The following MTFR1 variants were observed in gnomAD, a reference collection of about 807,000 sequenced individuals.
The protein encoded by MTFR1 is mitochondrial fission regulator 1, also known as chondrocyte protein with a poly-proline region.
A neutral mutation model predicts 38.8 loss-of-function variants in MTFR1; 28 were observed. The ratio of observed to expected loss-of-function variants is 0.72; its 90% confidence interval spans 0.53 to 0.99. The LOEUF (loss-of-function observed/expected upper bound fraction) is 0.99, where lower values mean the gene tolerates loss of function less well. Among genes scored for constraint, MTFR1 ranks in the 50% least tolerant of loss-of-function variants. The pLI, the probability that MTFR1 is intolerant of heterozygous loss-of-function variation, is 0.00. For missense variants in MTFR1, 358 were observed against 395.5 expected (o/e 0.91, Z 0.81); for synonymous variants, 145 against 137.0 (o/e 1.06, Z -0.41).
chr8:65,666,969 CAT>C (rs1298830679), intron 1 of MTFR1, among the ~76,000 whole-genome samples: 2 of 152,142 alleles, frequency 1.3e-5, no homozygotes, highest in African/African-American at 4.8e-5. Context: ...AAGTGAAAAA[CAT>C]ATTAGAAAAT....
intron 3 of MTFR1, among the ~76,000 whole-genome samples, chr8:65,741,518 C>T (rs1348328670): frequency 6.6e-6 from 1 of 152,194 alleles, no homozygotes; most frequent in Non-Finnish European, 1.5e-5. Flanking sequence ...AAAGATGTGG[C>T]AGGCCAAAAG....
chr8:65,708,948 T>G (rs756023531), intron 7 of MTFR1, 28 bp from the exon 8 acceptor site: 1 of 1,609,190 alleles, frequency 6.2e-7, no homozygotes, highest in South Asian at 1.1e-5. Context: ...AACCAATATC[T>G]TTATTTATAC....
chr8:65,754,879 C>T (rs1483572586), intron 3 of MTFR1, among the ~76,000 whole-genome samples: 2 of 148,746 alleles, frequency 1.3e-5, no homozygotes, highest in African/African-American at 4.9e-5. Flanking sequence ...GCAGGAGAAT[C>T]GCCTGAACCC....
At position 65,707,158 on chromosome 8, in the gene MTFR1, A is replaced by G. The variant is rs1476773722; in HGVS notation, c.666A>G (p.Gly222=). ...GAAGAGAGAAAAGAGCCAATGCTGGAAAGACTTTGGTTAAGAACAATCCAA... is the reference window on the plus strand; with the variant it reads ...GAAGAGAGAAAAGAGCCAATGCTGGGAAGACTTTGGTTAAGAACAATCCAA... ...KERREKRANA[G]KTLVKNNPKK... is the part of the protein sequence containing the mutation. Residue 222 remains glycine, a synonymous_variant, in exon 6 of 8, where the codon GGA becomes GGG. Transcript: ENST00000262146. 7 of 1,612,816 alleles carry G rather than the reference A, an allele frequency of 4.3e-6. No individual in the cohort carries two copies. Among genetic ancestry groups the G allele is most frequent in the Non-Finnish European group, 5.9e-6 (7 of 1,179,240 alleles).
rs188668298 is a variant in MTFR1, at chr8:65,675,987, G to T, written c.66+5969G>T. ...TTATATTGGAAGAAAAGTTACTATA[G>T]CAAGTATCTATAATAATTTGTATTA... is the stretch of plus-strand genomic sequence containing the variant. On this transcript the variant is annotated intron_variant, in intron 2 of 7. Transcript: ENST00000262146. 1.1e-4 allele frequency among the ~76,000 whole-genome samples: 16 copies of T among 152,298 alleles called. No homozygotes were observed. In the East Asian group the frequency reaches 3.1e-3, roughly 29 times the overall value.
chr8:65,757,601 T>TTTTTGTTTTG (rs368448878), intron 3 of MTFR1, among the ~76,000 whole-genome samples: 1 of 148,674 alleles, frequency 6.7e-6, no homozygotes, highest in Admixed American at 6.9e-5. Context: ...CAAGACTTTG[T>TTTTTGTTTTG]TTTTGTTTTG....
In MTFR1 at chr8:65,707,140, G is replaced by A; in HGVS notation, c.648G>A (p.Glu216=). 1 of 1,613,948 alleles carries A rather than the reference G, an allele frequency of 6.2e-7. No homozygotes were observed. The change falls in exon 6 of 8, where the codon GAG becomes GAA. Residue 216 remains glutamate (E), a synonymous_variant. Transcript: ENST00000262146. ...TTGATCTGATTAAAGAACGAAGAGA[G>A]AAAAGAGCCAATGCTGGAAAGACTT... ...SAVDLIKERR[E]KRANAGKTLV...
chr8:65,743,218 G>A (rs966624810), intron 3 of MTFR1, among the ~76,000 whole-genome samples: 4 of 152,170 alleles, frequency 2.6e-5, no homozygotes, highest in African/African-American at 9.7e-5. Context: ...AATAATATTT[G>A]TGTTAAGTTA....
intron 7 of MTFR1, among the ~76,000 whole-genome samples, chr8:65,708,593 C>T (rs1215863475): frequency 6.6e-6 from 1 of 152,048 alleles, no homozygotes; most frequent in Non-Finnish European, 1.5e-5. Flanking sequence ...TGTCCTGGGG[C>T]GTGTGTGTGC....
At chr8:65,740,356 C>T (rs73240766) in intron 3 of MTFR1, among the ~76,000 whole-genome samples, 70 of 152,254 alleles carry the variant, frequency 4.6e-4, no homozygotes, top group African/African-American at 1.6e-3. Context: ...CCCCCTCATT[C>T]TCCACAGCCT....
intron 3 of MTFR1, among the ~76,000 whole-genome samples, chr8:65,729,965 C>T (rs1806784228): frequency 1.3e-5 from 2 of 151,802 alleles, no homozygotes; most frequent in African/African-American, 4.8e-5. Context: ...CAAGGCGGTC[C>T]TCGCAGGGCT....
At chr8:65,765,416 G>T (rs1444535558) in intron 3 of MTFR1, 1 of 146,042 alleles carries the variant, frequency 6.8e-6, no homozygotes, top group Non-Finnish European at 1.5e-5. Flanking sequence ...GTGAACCCGG[G>T]AGGCGGAGCT....
At chr8:65,777,224 C>T in the MTFR1 span, among the ~76,000 whole-genome samples, 3 of 151,048 alleles carry the variant, frequency 2.0e-5, no homozygotes, top group Non-Finnish European at 3.0e-5. Flanking sequence ...GGATTACAGG[C>T]ATGCACCACC....
chr8:65,772,919 A>T (rs1200474512), downstream of MTFR1, among the ~76,000 whole-genome samples: 1 of 152,164 alleles, frequency 6.6e-6, no homozygotes, highest in Non-Finnish European at 1.5e-5. Flanking sequence ...GAGGTGGGAG[A>T]ATCACTTGAA....
chr8:65,681,977 A>T (rs939885551), intron 2 of MTFR1: 3 of 154,508 alleles, frequency 1.9e-5, no homozygotes, highest in Admixed American at 6.6e-5. Context: ...TTTAATAAAA[A>T]CTATGTATAT....
rs1199055227 is a variant in MTFR1 at position 65,659,432 on chromosome 8, T to G, written c.-80-10441T>G. On this transcript the variant is annotated intron_variant, in intron 1 of 7. Coordinates refer to ENST00000262146, the MANE Select transcript of MTFR1 (RefSeq NM_014637.4). ...ATCACTGAACAAAGGAGAGGTTTTT[T>G]TTTTTTTTTTTCAATCCCTGACACG... Among the ~76,000 whole-genome samples, 8 of 151,892 alleles carry G rather than the reference T, an allele frequency of 5.3e-5. No homozygotes were observed. In the East Asian group the frequency reaches 5.8e-4, roughly 11 times the overall value.
intron 2 of MTFR1, chr8:65,719,044 C>G (rs771907081): frequency 2.4e-5 from 13 of 535,954 alleles, no homozygotes; most frequent in Non-Finnish European, 4.0e-5. Context: ...CGGATTCTCT[C>G]CTGCTGGGCT....
At chr8:65,647,997 ATTTGTTTGTTTG>A (rs60187254) in intron 1 of MTFR1, among the ~76,000 whole-genome samples, 2 of 151,246 alleles carry the variant, frequency 1.3e-5, no homozygotes, top group African/African-American at 4.9e-5. Context: ...GCTTTTGATC[ATTTGTTTGTTTG>A]TTTGTTTGTT....
At chr8:65,658,920 A>G (rs756322688) in intron 1 of MTFR1, among the ~76,000 whole-genome samples, 12 of 152,178 alleles carry the variant, frequency 7.9e-5, no homozygotes, top group Admixed American at 1.3e-4. Context: ...TAAGAGAATA[A>G]GCAAGCAGAA....
Sources: allele counts gnomAD v4.1 joint callset (sites outside exome capture counted in the v4.1 genomes callset), GRCh38; gene constraint gnomAD v4.1.1; transcripts MANE v1.5; gene names NCBI Gene and HGNC (gene_info 2026-07-23, HGNC 2026-07-21).